LRP2: variants seen among roughly 807,000 people sequenced by gnomAD.
LRP2 encodes the protein low-density lipoprotein receptor-related protein 2.
In LRP2, 172 loss-of-function variants were observed where a neutral mutation model predicts 531.0. The ratio of observed to expected loss-of-function variants is 0.32; its 90% CI spans 0.29 to 0.37. The LOEUF (loss-of-function observed/expected upper bound fraction) is 0.37, where lower values mean the gene tolerates loss of function less well. LRP2 is among the 10% of genes least tolerant of loss of function. LRP2 has a pLI of 1.00. For synonymous variants in LRP2, 1,992 were observed against 2,027.6 expected (o/e 0.98, Z 0.47); for missense variants, 5,167 against 5,868.3 (o/e 0.88, Z 3.90).
intron 1 of LRP2, among the ~76,000 whole-genome samples, chr2:169,328,969 C>G (rs149627710): frequency 1.3e-5 from 2 of 152,172 alleles, no homozygotes. Flanking sequence ...TAGATGAGGA[C>G]GACAAGGCTT....
intron 16 of LRP2, among the ~76,000 whole-genome samples, chr2:169,266,509 C>T (rs1484436502): frequency 6.6e-6 from 1 of 151,974 alleles, no homozygotes; most frequent in African/African-American, 2.4e-5. Flanking sequence ...CTCTCAACAA[C>T]CTTATGAGCA....
chr2:169,168,799 T>A, intron 60 of LRP2, 123 bp from the exon 61 acceptor site: 2 of 1,071,896 alleles, frequency 1.9e-6, no homozygotes, highest in Non-Finnish European at 2.8e-6. Context: ...CATCAAGATG[T>A]ATAGTGGCCT....
At chr2:169,135,925 G>C (rs1025223916) in intron 76 of LRP2, among the ~76,000 whole-genome samples, 18 of 151,880 alleles carry the variant, frequency 1.2e-4, no homozygotes, top group Non-Finnish European at 1.3e-4. Context: ...TCTCCAAGCC[G>C]TCACAGCTGA....
rs545529251 is a variant in LRP2 at position 169,306,218 on chromosome 2, G to A, written c.427+1063C>T. Among the ~76,000 whole-genome samples, 10 of 151,876 alleles carry A rather than the reference G, an allele frequency of 6.6e-5. No individual in the cohort carries two copies. The South Asian group carries it at 1.0e-3, about 16-fold the overall frequency. On this transcript the variant is annotated intron_variant, in intron 4 of 78. Transcript: ENST00000649046. Reference sequence around the variant, plus strand: ...GGAACTTCTGGAAAAATTCATAAACGCTAGACTTGTAAGAACTTTTCAGAG... The same window carrying A: ...GGAACTTCTGGAAAAATTCATAAACACTAGACTTGTAAGAACTTTTCAGAG...
chr2:169,156,035 C>T (rs915166393), intron 65 of LRP2, among the ~76,000 whole-genome samples: 2 of 152,030 alleles, frequency 1.3e-5, no homozygotes, highest in Non-Finnish European at 2.9e-5. Context: ...ATAAGTAACA[C>T]CTGGCTCTTG....
intron 16 of LRP2, among the ~76,000 whole-genome samples, chr2:169,264,404 A>G (rs923093336): frequency 6.6e-6 from 1 of 152,026 alleles, no homozygotes; most frequent in African/African-American, 2.4e-5. Flanking sequence ...GCATGCAGCT[A>G]GAAACCCAAT....
At chr2:169,181,724 GCAGACTGCAT>G in intron 51 of LRP2, 106 bp from the exon 52 acceptor site, 1 of 547,032 alleles carries the variant, frequency 1.8e-6, no homozygotes, top group South Asian at 2.1e-5. Context: ...ATTCTGTAGA[GCAGACTGCAT>G]TCTGAATTCT....
chr2:169,360,649 C>CCTAA (rs946765364), intron 1 of LRP2, among the ~76,000 whole-genome samples: 1 of 152,074 alleles, frequency 6.6e-6, no homozygotes, highest in African/African-American at 2.4e-5. Context: ...GAGATACAAC[C>CCTAA]CTAAGCATTG....
At chr2:169,159,334 C>A (rs995221558) in intron 63 of LRP2, among the ~76,000 whole-genome samples, 1 of 152,154 alleles carries the variant, frequency 6.6e-6, no homozygotes, top group African/African-American at 2.4e-5. Flanking sequence ...TAATCACTCT[C>A]AGAGTCCTTT....
Position 169,182,282 on chromosome 2 carries a change from A to T in LRP2, c.9883T>A (p.Phe3295Ile). The T allele has an allele frequency of 6.2e-7, 1 of 1,614,062 alleles. No homozygotes were observed. The highest frequency in any genetic ancestry group is 8.5e-7 in the Non-Finnish European group (1 of 1,179,948). Reference protein sequence around the residue: ...YWLDARLDGLFVSDLNGGHRR... With the variant: ...YWLDARLDGLIVSDLNGGHRR... The stretch of plus-strand genomic sequence containing the variant: ...TGTCCACCATTGAGGTCAGAGACAA[A>T]GAGGCCATCCAGGCGGGCATCCAAC... Residue 3295 changes from phenylalanine (F) to isoleucine (I), a missense_variant, in exon 51 of 79, where the codon TTT becomes ATT. Physicochemically the swap from Phe to Ile is conservative, Grantham distance 21. This residue lies in a region of LRP2 where 1,129 missense variants were observed against 1,362.7 expected (regional missense o/e 0.83). Coordinates refer to ENST00000649046, the MANE Select transcript of LRP2 (RefSeq NM_004525.3).
chr2:169,277,020 T>C (rs1457405292), intron 13 of LRP2, among the ~76,000 whole-genome samples: 1 of 151,534 alleles, frequency 6.6e-6, no homozygotes, highest in Non-Finnish European at 1.5e-5. Flanking sequence ...CACGGTGAAA[T>C]TTTATCTCTA....
chr2:169,131,997 T>A (rs966848704), intron 77 of LRP2, among the ~76,000 whole-genome samples: 2 of 152,232 alleles, frequency 1.3e-5, no homozygotes, highest in Non-Finnish European at 2.9e-5. Context: ...CTCCATCTAG[T>A]GGCATTTTTT....
chr2:169,211,828 G>C, intron 37 of LRP2, 140 bp downstream of exon 37: 1 of 1,186,922 alleles, frequency 8.4e-7, no homozygotes, highest in East Asian at 2.3e-5. Flanking sequence ...AAACACTTTA[G>C]GCTGTGCCAG....
rs368404189 is a variant in LRP2, at chr2:169,316,065, C to T, written c.310+2697G>A. On this transcript the variant is annotated intron_variant, in intron 3 of 78. Coordinates refer to ENST00000649046, the MANE Select transcript of LRP2 (RefSeq NM_004525.3). Reference sequence around the variant, plus strand: ...TGAGAAGTGGGAGGACCATTTGAGCCCAGGAGGTCAAGGCTACAGTGAGCC... The same window carrying T: ...TGAGAAGTGGGAGGACCATTTGAGCTCAGGAGGTCAAGGCTACAGTGAGCC... Among the ~76,000 whole-genome samples, 5 of 151,062 alleles carry T rather than the reference C, an allele frequency of 3.3e-5. No individual in the cohort carries two copies. In the East Asian group the frequency reaches 9.7e-4, roughly 29 times the overall value.
In LRP2 at chr2:169,173,997, G is replaced by T; in HGVS notation, c.10936C>A (p.Arg3646Ser). 1.2e-6 allele frequency: 2 copies of T among 1,614,192 alleles called. No homozygotes were observed. Among genetic ancestry groups the T allele is most frequent in the Non-Finnish European group, 1.7e-6 (2 of 1,180,038 alleles). Residue 3646 changes from arginine (R) to serine (S), a missense_variant, in exon 56 of 79, where the codon CGC (arginine) becomes AGC (serine). Arg to Ser is a moderately radical substitution (Grantham distance 110, BLOSUM62 -1). This residue lies in a region of LRP2 where 311 missense variants were observed against 309.4 expected (regional missense o/e 1.01). Transcript: ENST00000649046. The part of the protein sequence containing the change: ...RPGQFRCANG[R>S]CIPQAWKCDV... ...CACTTCCAGGCCTGCGGGATGCAGC[G>T]GCCATTAGCACACCGAAACTGGCCC... is the stretch of plus-strand genomic sequence containing the variant.
intron 16 of LRP2, among the ~76,000 whole-genome samples, chr2:169,270,240 G>A (rs760067588): frequency 3.3e-5 from 5 of 152,108 alleles, no homozygotes; most frequent in African/African-American, 9.7e-5. Flanking sequence ...ATTTGACCCA[G>A]CCATCCCATT....
chr2:169,224,143 A>G (rs1351220174), intron 33 of LRP2, among the ~76,000 whole-genome samples: 1 of 152,222 alleles, frequency 6.6e-6, no homozygotes, highest in Non-Finnish European at 1.5e-5. Flanking sequence ...TAAATTAGCC[A>G]GCAGGCTGCT....
intron 48 of LRP2, 80 bp downstream of exon 48, chr2:169,191,752 C>T (rs544109441): frequency 5.8e-5 from 70 of 1,208,324 alleles, no homozygotes; most frequent in Middle Eastern, 4.8e-4. Context: ...ACTGTGGCCA[C>T]GGGGTGCCTG....
At position 169,326,811 on chromosome 2, in the gene LRP2, G is replaced by T. The variant is rs1191627519; in HGVS notation, c.80-5927C>A. Among the ~76,000 whole-genome samples the T allele has an allele frequency of 2.5e-3, 376 of 151,440 alleles. 1 individual carries two copies. The highest frequency in any genetic ancestry group is 8.6e-3 in the African/African-American group (352 of 41,164). On this transcript the variant is annotated intron_variant, in intron 1 of 78. Transcript: ENST00000649046. ...GCAGCCATCCCATCTGGGAAGTGAG[G>T]AGCGTCTCTGCCCGGCCGCCCATCG...
Sources: gnomAD v4.1 joint callset for allele counts (sites outside exome capture counted in the v4.1 genomes callset) on GRCh38, gnomAD v4.1.1 for gene constraint, gnomAD v4.1.1 regional missense constraint, MANE v1.5 for transcripts, NCBI Gene and HGNC (gene_info 2026-07-23, HGNC 2026-07-21) for gene names.